The following TIMM22 variants were observed in gnomAD, a reference collection of about 807,000 sequenced individuals.
TIMM22 encodes mitochondrial import inner membrane translocase subunit Tim22.
Under a neutral mutation model 18.3 loss-of-function variants are expected in TIMM22, and 12 were observed. That is an observed-to-expected ratio of 0.65 (90% CI 0.42 to 1.06). TIMM22 has a LOEUF of 1.06. TIMM22 is among the 50% of genes least tolerant of loss of function. The pLI is 0.00. For synonymous variants in TIMM22, 107 were observed against 98.5 expected (o/e 1.09, Z -0.51); for missense variants, 278 against 252.8 (o/e 1.10, Z -0.68).
chr17:1,002,151 A>ATT lies in TIMM22; in HGVS notation c.*1063_*1064insTT, dbSNP rs1567541200. The ATT allele has an allele frequency of 1.1e-3, 149 of 130,354 alleles. 1 individual carries two copies. The highest frequency in any genetic ancestry group is 4.7e-3 in the East Asian group (23 of 4,920). The allele number at this position is 130,354 out of a possible 1,614,324, so 8.1% of individuals were successfully genotyped here. On this transcript the variant is annotated 3_prime_UTR_variant, in exon 4 of 4. Transcript: ENST00000327158. ...CCTAGTTGTGTGCCATGGATATTAA[A>ATT]AAAAAAAAAAAAAAAATCCGTCTAC...
intron 2 of TIMM22, among the ~76,000 whole-genome samples, 154 bp from the exon 3 acceptor site, chr17:999,358 T>TATATATATATATATATAC (rs1408779709): frequency 2.3e-5 from 3 of 132,588 alleles, no homozygotes; most frequent in African/African-American, 6.4e-5. Context: ...TATATATATA[T>TATATATATATATATATAC]ACACGCTGTA....
intron 3 of TIMM22, among the ~76,000 whole-genome samples, chr17:999,888 G>A (rs542760270): frequency 8.8e-4 from 131 of 149,216 alleles, no homozygotes; most frequent in African/African-American, 2.9e-3. Context: ...TAGCACCCCC[G>A]TCCGTTGTAA....
intron 3 of TIMM22, among the ~76,000 whole-genome samples, chr17:1,000,146 A>T (rs1455841589): frequency 6.6e-6 from 1 of 151,838 alleles, no homozygotes; most frequent in Non-Finnish European, 1.5e-5. Flanking sequence ...AGCCTCCCAA[A>T]GTGCTGGGAT....
At position 1,002,302 on chromosome 17, in the gene TIMM22, G is replaced by GGCACCTTCAGCCAGTGGTGA. The variant is rs2069767339; in HGVS notation, c.*1215_*1234dup. 6.6e-6 allele frequency: 1 copy of GGCACCTTCAGCCAGTGGTGA among 152,234 alleles called. No homozygotes were observed. Among genetic ancestry groups the GGCACCTTCAGCCAGTGGTGA allele is most frequent in the Admixed American group, 6.6e-5 (1 of 15,266 alleles). 9.4% of individuals were successfully genotyped at this position (152,234 alleles called of 1,614,324 possible). ...GCTTGGTGGGGGCCACACAGTGCTG[G>GGCACCTTCAGCCAGTGGTGA]GCACCTTCAGCCAGTGGTGATGAGT... On this transcript the variant is annotated 3_prime_UTR_variant, in exon 4 of 4. Transcript: ENST00000327158.
chr17:999,641 T>C, intron 3 of TIMM22, 57 bp downstream of exon 3: 1 of 1,533,740 alleles, frequency 6.5e-7, no homozygotes. Flanking sequence ...CGTGCTGAGG[T>C]TGTCATTTCC....
chr17:1,001,032 A>G lies in TIMM22; in HGVS notation c.529A>G (p.Ile177Val), dbSNP rs1389702642. 6.2e-7 allele frequency: 1 copy of G among 1,613,992 alleles called. No individual in the cohort carries two copies. Among genetic ancestry groups the G allele is most frequent in the South Asian group, 1.1e-5 (1 of 91,086 alleles). Residue 177 changes from isoleucine (I) to valine (V), a missense_variant, in exon 4 of 4, where the codon ATT (isoleucine) becomes GTT (valine). Physicochemically the swap from Ile to Val is conservative, Grantham distance 29. Transcript: ENST00000327158. ...GFRAGLKAGAIGCGGFAAFSA... is the reference protein window; with the variant it reads ...GFRAGLKAGAVGCGGFAAFSA... ...GACAGCTGGCTTAAAGGCTGGGGCC[A>G]TTGGTTGTGGAGGTTTTGCTGCTTT... is the stretch of plus-strand genomic sequence containing the variant.
chr17:999,427 G>C, intron 2 of TIMM22, 85 bp from the exon 3 acceptor site: 1 of 1,355,138 alleles, frequency 7.4e-7, no homozygotes. Flanking sequence ...GACTGAATGA[G>C]CTAACGAGCA....
In TIMM22 at chr17:1,001,748, G is replaced by C. The variant is rs1468213558; in HGVS notation, c.*660G>C. The C allele has an allele frequency of 6.6e-6, 1 of 152,566 alleles. No homozygotes were observed. Among genetic ancestry groups the C allele is most frequent in the African/African-American group, 2.4e-5 (1 of 41,444 alleles). 9.5% of individuals were successfully genotyped at this position (152,566 alleles called of 1,614,324 possible). A position where few individuals can be genotyped will look rare whatever the true frequency, so the allele number is the denominator to read the frequency against. The stretch of plus-strand genomic sequence containing the variant: ...TGAGAAAGCTCCCAGGGAAGCGGGG[G>C]ATGGGGCGCTGAGGCAGGGTTGTTA... On this transcript the variant is annotated 3_prime_UTR_variant, in exon 4 of 4. Coordinates refer to ENST00000327158, the MANE Select transcript of TIMM22 (RefSeq NM_013337.4).
At position 1,001,187 on chromosome 17, in the gene TIMM22, GA is replaced by G; in HGVS notation, c.*101del. The G allele has an allele frequency of 7.7e-7, 1 of 1,303,712 alleles. No homozygotes were observed. The highest frequency in any genetic ancestry group is 1.1e-6 in the Non-Finnish European group (1 of 909,450). The allele number at this position is 1,303,712 out of a possible 1,614,324, so 80.8% of individuals were successfully genotyped here. A position where few individuals can be genotyped will look rare whatever the true frequency, so the allele number is the denominator to read the frequency against. Reference sequence around the variant, plus strand: ...ACACCAGGGCCTTGCTTCAGGGCCTGAAGACATTCATTTTCCCTCATGTCGT... The same window carrying G: ...ACACCAGGGCCTTGCTTCAGGGCCTGAGACATTCATTTTCCCTCATGTCGT... On this transcript the variant is annotated 3_prime_UTR_variant, in exon 4 of 4. Transcript: ENST00000327158.
intron 2 of TIMM22, 129 bp from the exon 3 acceptor site, chr17:999,383 A>G (rs1226109418): frequency 2.4e-5 from 13 of 542,404 alleles, no homozygotes; most frequent in African/African-American, 4.2e-5. Context: ...TAGGAACTAT[A>G]TTTTCAAGAA....
At chr17:998,186 A>G (rs1232632401) in intron 1 of TIMM22, among the ~76,000 whole-genome samples, 2 of 152,210 alleles carry the variant, frequency 1.3e-5, no homozygotes, top group African/African-American at 4.8e-5. Flanking sequence ...TGATTTTATT[A>G]AACTCATATT....
chr17:997,474 C>A, intron 1 of TIMM22, 94 bp downstream of exon 1: 1 of 1,281,492 alleles, frequency 7.8e-7, no homozygotes, highest in Non-Finnish European at 1.1e-6. Flanking sequence ...AGGCGAGGGA[C>A]TGCGGGCCTT....
rs777592043 is a variant in TIMM22 at position 997,234 on chromosome 17, A to G, written c.92A>G (p.Tyr31Cys). 2 of 1,613,362 alleles carry G rather than the reference A, an allele frequency of 1.2e-6. No individual in the cohort carries two copies. Among genetic ancestry groups the G allele is most frequent in the Admixed American group, 1.7e-5 (1 of 60,030 alleles). Residue 31 changes from tyrosine to cysteine, a missense_variant, in exon 1 of 4, where the codon TAC becomes TGC. Physicochemically the swap from Tyr to Cys is radical, Grantham distance 194. Coordinates refer to ENST00000327158, the MANE Select transcript of TIMM22 (RefSeq NM_013337.4). Reference sequence around the variant, plus strand: ...CTGCAGTACAGCCTGCTCCTGCAGTACCTGGTGGGTGACAAGCGTCAGCCC... The same window carrying G: ...CTGCAGTACAGCCTGCTCCTGCAGTGCCTGGTGGGTGACAAGCGTCAGCCC... ...APLQYSLLLQ[Y>C]LVGDKRQPRL...
chr17:997,134 G>A lies in TIMM22; in HGVS notation c.-9G>A, dbSNP rs1260078480. The A allele has an allele frequency of 8.7e-6, 14 of 1,608,008 alleles. No homozygotes were observed. Among genetic ancestry groups the A allele is most frequent in the Non-Finnish European group, 1.2e-5 (14 of 1,178,006 alleles). Reference sequence around the variant, plus strand: ...GAAGGACGCGAGGGTTGCTTGGGCAGCGACTGTCATGGCGGCGGCCGCCCC... The same window carrying A: ...GAAGGACGCGAGGGTTGCTTGGGCAACGACTGTCATGGCGGCGGCCGCCCC... On this transcript the variant is annotated 5_prime_UTR_variant, in exon 1 of 4. Transcript: ENST00000327158.
At chr17:997,455 G>T in intron 1 of TIMM22, 75 bp downstream of exon 1, 2 of 1,438,928 alleles carry the variant, frequency 1.4e-6, no homozygotes, top group South Asian at 2.5e-5. Flanking sequence ...AGAAGACCAC[G>T]CGCCTGGGAG....
chr17:1,001,066 C>T lies in TIMM22; in HGVS notation c.563C>T (p.Ala188Val), dbSNP rs766889660. 16 of 1,613,910 alleles carry T rather than the reference C, an allele frequency of 9.9e-6. No homozygotes were observed. Among genetic ancestry groups the T allele is most frequent in the East Asian group, 6.7e-5 (3 of 44,876 alleles). ...GCGGFAAFSA[A>V]IDYYLR ...GGAGGTTTTGCTGCTTTCTCTGCTG[C>T]GATTGATTATTACCTCCGGTGAGAG... is the stretch of plus-strand genomic sequence containing the variant. Residue 188 changes from alanine to valine, a missense_variant, in exon 4 of 4, where the codon GCG becomes GTG. By Grantham distance (64) the Ala-to-Val change is moderately conservative. Transcript: ENST00000327158.
intron 1 of TIMM22, 132 bp from the exon 2 acceptor site, chr17:998,647 A>G: frequency 1.2e-6 from 1 of 821,020 alleles, no homozygotes; most frequent in Non-Finnish European, 1.8e-6. Flanking sequence ...GCAAGTGGAG[A>G]GTTTGAGTGG....
rs371102749 is a variant in TIMM22 at position 999,350 on chromosome 17, T to TACATAC, written c.436-161_436-160insCATACA. Among the ~76,000 whole-genome samples, 2 of 126,728 alleles carry TACATAC rather than the reference T, an allele frequency of 1.6e-5. 1 individual carries two copies. Among genetic ancestry groups the TACATAC allele is most frequent in the African/African-American group, 7.9e-5 (2 of 25,282 alleles). The allele number at this position is 126,728 out of a possible 152,430, so 83.1% of individuals were successfully genotyped here. On this transcript the variant is annotated intron_variant, in intron 2 of 3. Transcript: ENST00000327158. Reference sequence around the variant, plus strand: ...ATATATATATATATATATATATATATATATATATACACGCTGTATACTTAG... The same window carrying TACATAC: ...ATATATATATATATATATATATATATACATACATATATATACACGCTGTATACTTAG...
At position 999,525 on chromosome 17, in the gene TIMM22, C is replaced by A. The variant is rs759405773; in HGVS notation, c.449C>A (p.Ser150Ter). 6.2e-7 allele frequency: 1 copy of A among 1,613,562 alleles called. No individual in the cohort carries two copies. The highest frequency in any genetic ancestry group is 2.2e-5 in the East Asian group (1 of 44,876). ...ECLIESYRGT[S>*]DWKNSVISGC... Reference sequence around the variant, plus strand: ...CCCTGCCCACAGTACCGGGGAACATCAGACTGGAAGAACAGTGTCATCAGT... The same window carrying A: ...CCCTGCCCACAGTACCGGGGAACATAAGACTGGAAGAACAGTGTCATCAGT... Residue 150 changes from serine (S) to a stop codon, truncating the protein, a stop_gained, in exon 3 of 4, where the codon TCA becomes TAA. Transcript: ENST00000327158. LOFTEE classifies it high-confidence loss of function.
Sources: gnomAD v4.1 joint callset for allele counts (sites outside exome capture counted in the v4.1 genomes callset) on GRCh38, gnomAD v4.1.1 for gene constraint, MANE v1.5 for transcripts, NCBI Gene and HGNC (gene_info 2026-07-23, HGNC 2026-07-21) for gene names.